NPHP3: variants seen among roughly 807,000 people sequenced by gnomAD.
The protein encoded by NPHP3 is nephrocystin 3, also known as nephrocystin-3.
NPHP3 carries 123 observed loss-of-function variants against 171.9 expected under a neutral mutation model. That is an observed-to-expected ratio of 0.72 (90% CI 0.62 to 0.83). The LOEUF (loss-of-function observed/expected upper bound fraction) is 0.83. Among genes scored for constraint, NPHP3 ranks in the 40% least tolerant of loss-of-function variants. The probability of loss-of-function intolerance (pLI) is 0.00; values close to 1 mark genes in which losing one functional copy is unlikely to be tolerated. For synonymous variants in NPHP3, 558 were observed against 579.2 expected (o/e 0.96, Z 0.52); for missense variants, 1,506 against 1,591.9 (o/e 0.95, Z 0.92).
chr3:132,703,572 T>C (rs1012600266), intron 9 of NPHP3, among the ~76,000 whole-genome samples: 2 of 150,686 alleles, frequency 1.3e-5, no homozygotes, highest in African/African-American at 2.5e-5. Context: ...CTTTTCTTTC[T>C]TTCTTTCTTT....
chr3:132,692,729 G>A lies in NPHP3; in HGVS notation c.2400C>T (p.Thr800=). The A allele has an allele frequency of 6.2e-7, 1 of 1,613,886 alleles. No individual in the cohort carries two copies. The highest frequency in any genetic ancestry group is 8.5e-7 in the Non-Finnish European group (1 of 1,179,840). ...LYPEMSWTFL[T]SLIHSLYKMC... is the part of the protein sequence containing the mutation. The stretch of plus-strand genomic sequence containing the variant: ...TTTTGTATAAACTGTGAATAAGGGA[G>A]GTCAAGAAAGTCCAGGACATCTCAG... The change falls in exon 17 of 27, where the codon ACC becomes ACT. Residue 800 remains threonine, a synonymous_variant. Transcript: ENST00000337331.
At position 132,705,778 on chromosome 3, in the gene NPHP3, A is replaced by G. The variant is rs748036418; in HGVS notation, c.1312T>C (p.Tyr438His). Residue 438 changes from tyrosine (Y) to histidine (H), a missense_variant, in exon 8 of 27, where the codon TAT becomes CAT. Tyr to His is a moderately conservative substitution (Grantham distance 83). Coordinates refer to ENST00000337331, the MANE Select transcript of NPHP3 (RefSeq NM_153240.5). The stretch of plus-strand genomic sequence containing the variant: ...TTTTCTACACAAATATAAGTTTTAT[A>G]TACTCCTTCTGCAGGATCTCCTGAG... ...DHSGDPAEGV[Y>H]KTYICVEKII... 2.0e-6 allele frequency: 3 copies of G among 1,507,542 alleles called. No homozygotes were observed. The highest frequency in any genetic ancestry group is 2.3e-5 in the South Asian group (2 of 88,396). 93.4% of individuals were successfully genotyped at this position (1,507,542 alleles called of 1,614,324 possible).
At chr3:132,690,478 C>T in intron 19 of NPHP3, 50 bp downstream of exon 19, 1 of 1,567,530 alleles carries the variant, frequency 6.4e-7, no homozygotes, top group Non-Finnish European at 8.8e-7. Flanking sequence ...TTAAACTGAA[C>T]AACTTTAAAT....
intron 25 of NPHP3, 146 bp downstream of exon 25, chr3:132,683,253 A>G: frequency 1.3e-6 from 1 of 767,168 alleles, no homozygotes; most frequent in Non-Finnish European, 2.2e-6. Context: ...TCTAACTTCA[A>G]TAGTTTCTCA....
Position 132,682,829 on chromosome 3 carries a change from A to G in NPHP3, c.3697-11T>C. The G allele has an allele frequency of 6.6e-7, 1 of 1,521,336 alleles. No homozygotes were observed. The highest frequency in any genetic ancestry group is 1.7e-4 in the Middle Eastern group (1 of 5,890). The allele number at this position is 1,521,336 out of a possible 1,614,324, so 94.2% of individuals were successfully genotyped here. ...TTCAACGTGTTTTTTCTTATTAAAA[A>G]AAATGATAATGCTCATGCACACTGG... is the stretch of plus-strand genomic sequence containing the variant. On this transcript the variant is annotated splice_polypyrimidine_tract_variant and intron_variant, in intron 25 of 26. Transcript: ENST00000337331.
chr3:132,697,508 T>A (rs1372341642), intron 13 of NPHP3, 146 bp from the exon 14 acceptor site: 1 of 597,434 alleles, frequency 1.7e-6, no homozygotes, highest in Admixed American at 2.9e-5. Flanking sequence ...TTAATCATAT[T>A]AAGTAATTAA....
At position 132,722,369 on chromosome 3, in the gene NPHP3, G is replaced by T. The variant is rs754952791; in HGVS notation, c.-14C>A. The T allele has an allele frequency of 1.2e-5, 19 of 1,575,012 alleles. No homozygotes were observed. The South Asian group carries it at 2.1e-4, about 18-fold the overall frequency. Reference sequence around the variant, plus strand: ...GGCGGTCCCCATGGCGTCCGTTGCCGCTACTACCTAGTGAGTACCAGCAGG... The same window carrying T: ...GGCGGTCCCCATGGCGTCCGTTGCCTCTACTACCTAGTGAGTACCAGCAGG... On this transcript the variant is annotated 5_prime_UTR_variant, in exon 1 of 27. Transcript: ENST00000337331.
At chr3:132,691,700 C>T (rs1216703509) in intron 17 of NPHP3, among the ~76,000 whole-genome samples, 2 of 152,120 alleles carry the variant, frequency 1.3e-5, no homozygotes, top group African/African-American at 4.8e-5. Flanking sequence ...ATATATAAAT[C>T]AACCATGGCA....
chr3:132,685,267 C>T (rs964202431), intron 23 of NPHP3: 2 of 158,998 alleles, frequency 1.3e-5, no homozygotes, highest in Non-Finnish European at 2.8e-5. Flanking sequence ...GTGTGTACCA[C>T]CATGTCTGGC....
At chr3:132,689,011 A>C (rs963038147) in intron 20 of NPHP3, 63 bp downstream of exon 20, 1 of 1,612,208 alleles carries the variant, frequency 6.2e-7, no homozygotes, top group East Asian at 2.2e-5. Context: ...ATCTTGGAAA[A>C]AGAGAAGAGT....
At chr3:132,697,735 T>G (rs1011273633) in intron 13 of NPHP3, among the ~76,000 whole-genome samples, 2 of 152,198 alleles carry the variant, frequency 1.3e-5, no homozygotes, top group African/African-American at 4.8e-5. Context: ...GCAACTGAAA[T>G]TTAACTATTA....
intron 25 of NPHP3, 77 bp from the exon 26 acceptor site, chr3:132,682,895 T>C: frequency 1.1e-6 from 1 of 871,366 alleles, no homozygotes. Flanking sequence ...CTAACCTACT[T>C]TGATTAGTAC....
intron 2 of NPHP3, 114 bp downstream of exon 2, chr3:132,719,591 C>G: frequency 2.9e-6 from 2 of 698,246 alleles, no homozygotes; most frequent in South Asian, 9.6e-5. Flanking sequence ...TACAACTTTC[C>G]TGAATCCTAC....
chr3:132,707,596 G>A (rs746346915), intron 7 of NPHP3, among the ~76,000 whole-genome samples: 1 of 152,082 alleles, frequency 6.6e-6, no homozygotes, highest in Non-Finnish European at 1.5e-5. Flanking sequence ...CACACACTGC[G>A]ATTTATTTCT....
At chr3:132,698,270 C>T (rs1039137029) in intron 13 of NPHP3, among the ~76,000 whole-genome samples, 5 of 151,734 alleles carry the variant, frequency 3.3e-5, no homozygotes, top group Non-Finnish European at 7.4e-5. Context: ...TGAGCCACTG[C>T]GCCCAGCCAT....
chr3:132,686,138 A>G (rs78416000), intron 23 of NPHP3, 122 bp downstream of exon 23: 9 of 988,158 alleles, frequency 9.1e-6, no homozygotes, highest in African/African-American at 1.6e-5. Flanking sequence ...AACATCATAC[A>G]TGAAATTTTG....
chr3:132,690,041 CAT>C (rs1413070737), intron 19 of NPHP3, among the ~76,000 whole-genome samples: 1 of 152,136 alleles, frequency 6.6e-6, no homozygotes, highest in Non-Finnish European at 1.5e-5. Context: ...CAAACTATAA[CAT>C]ATCAAAAGAG....
At chr3:132,689,012 A>C in intron 20 of NPHP3, 62 bp downstream of exon 20, 15 of 1,612,174 alleles carry the variant, frequency 9.3e-6, no homozygotes, top group Non-Finnish European at 1.2e-5. Context: ...TCTTGGAAAA[A>C]GAGAAGAGTG....
In NPHP3 at chr3:132,699,332, GAACTA is replaced by G; in HGVS notation, c.1985+16_1985+20del. 6.6e-7 allele frequency: 1 copy of G among 1,505,744 alleles called. No individual in the cohort carries two copies. The highest frequency in any genetic ancestry group is 9.2e-7 in the Non-Finnish European group (1 of 1,082,738). 93.3% of individuals were successfully genotyped at this position (1,505,744 alleles called of 1,614,324 possible). ...TTAAAACATTTCATGTACTCTGAAA[GAACTA>G]AAGTTGGCATCGTACCTCCATGCTG... On this transcript the variant is annotated intron_variant, in intron 13 of 26. Transcript: ENST00000337331.
Sources: gnomAD v4.1 joint callset for allele counts (sites outside exome capture counted in the v4.1 genomes callset) on GRCh38, gnomAD v4.1.1 for gene constraint, MANE v1.5 for transcripts, NCBI Gene and HGNC (gene_info 2026-07-23, HGNC 2026-07-21) for gene names.